Variants in NCALD observed in about 807,000 individuals in gnomAD.
NCALD encodes the protein neurocalcin-delta.
A neutral mutation model predicts 18.6 loss-of-function variants in NCALD; 10 were observed. The ratio of observed to expected loss-of-function variants is 0.54; its 90% CI spans 0.33 to 0.91. The LOEUF (loss-of-function observed/expected upper bound fraction) is 0.91. NCALD is among the 40% of genes least tolerant of loss of function. The pLI, the probability that NCALD is intolerant of heterozygous loss-of-function variation, is 0.03. For synonymous variants in NCALD, 88 were observed against 87.4 expected (o/e 1.01, Z -0.04); for missense variants, 184 against 247.6 (o/e 0.74, Z 1.72).
chr8:102,057,943 A>G (rs796553584), intron 1 of NCALD, among the ~76,000 whole-genome samples: 1 of 152,256 alleles, frequency 6.6e-6, no homozygotes, highest in East Asian at 1.9e-4. Context: ...TGTAGGTTAC[A>G]GTCAATTTAA....
At chr8:102,076,950 G>A (rs1824368173) in intron 1 of NCALD, among the ~76,000 whole-genome samples, 1 of 152,148 alleles carries the variant, frequency 6.6e-6, no homozygotes, top group Non-Finnish European at 1.5e-5. Flanking sequence ...GTGACCTGTG[G>A]CCTAGGATTG....
At chr8:101,906,678 T>G (rs1432362718) in intron 3 of NCALD, among the ~76,000 whole-genome samples, 2 of 152,228 alleles carry the variant, frequency 1.3e-5, no homozygotes, top group Non-Finnish European at 2.9e-5. Context: ...TTTCAGTTGG[T>G]ATAGTCTTTT....
chr8:101,760,515 G>C (rs939212211), intron 1 of NCALD, among the ~76,000 whole-genome samples: 8 of 152,216 alleles, frequency 5.3e-5, no homozygotes, highest in Admixed American at 3.3e-4. Flanking sequence ...GAGGTTCCCA[G>C]AGAGCGTCTG....
intron 2 of NCALD, among the ~76,000 whole-genome samples, chr8:101,924,462 C>T (rs895611771): frequency 6.6e-6 from 1 of 152,206 alleles, no homozygotes; most frequent in African/African-American, 2.4e-5. Context: ...ATTTGCAGTT[C>T]AGAATCCAAC....
Position 101,912,698 on chromosome 8 carries a change from G to A in NCALD, c.-107+3111C>T, listed in dbSNP as rs1221782506. 5.3e-5 allele frequency among the ~76,000 whole-genome samples: 8 copies of A among 152,158 alleles called. No homozygotes were observed. The South Asian group carries it at 1.2e-3, about 24-fold the overall frequency. Reference sequence around the variant, plus strand: ...ATGCCCAGCCACTTGCATCTGTTTTGTAATTCTCCTATTGTAGAGGACACA... The same window carrying A: ...ATGCCCAGCCACTTGCATCTGTTTTATAATTCTCCTATTGTAGAGGACACA... On this transcript the variant is annotated intron_variant, in intron 3 of 6. Transcript: ENST00000311028.
chr8:101,702,326 G>A (rs1480339157), intron 2 of NCALD, among the ~76,000 whole-genome samples: 1 of 151,698 alleles, frequency 6.6e-6, no homozygotes, highest in East Asian at 1.9e-4. Flanking sequence ...GGACCTCCTG[G>A]GCTCAAACCA....
At chr8:101,694,664 G>T (rs1814901007) in intron 2 of NCALD, among the ~76,000 whole-genome samples, 1 of 152,112 alleles carries the variant, frequency 6.6e-6, no homozygotes, top group Admixed American at 6.5e-5. Context: ...CCCAAGAAAT[G>T]CTCACTGAAG....
intron 1 of NCALD, among the ~76,000 whole-genome samples, chr8:102,119,826 C>T (rs1825892475): frequency 2.0e-5 from 3 of 152,192 alleles, no homozygotes; most frequent in Admixed American, 6.5e-5. Context: ...CTTATTCAGC[C>T]TGTATCCCTA....
At chr8:101,929,524 G>A (rs1185729689) in intron 2 of NCALD, among the ~76,000 whole-genome samples, 1 of 32,104 alleles carries the variant, frequency 3.1e-5, no homozygotes, top group African/African-American at 1.3e-4. Flanking sequence ...GGAGGGGGGA[G>A]GGAGGGAGGG....
chr8:101,874,446 G>A (rs1170414466), intron 4 of NCALD, among the ~76,000 whole-genome samples: 1 of 152,144 alleles, frequency 6.6e-6, no homozygotes, highest in East Asian at 1.9e-4. Context: ...GGCCAGCTGG[G>A]CTGTGATGGC....
intron 1 of NCALD, among the ~76,000 whole-genome samples, chr8:101,774,331 C>T (rs1273859017): frequency 6.6e-6 from 1 of 152,088 alleles, no homozygotes; most frequent in Non-Finnish European, 1.5e-5. Context: ...AGGCGGAGAC[C>T]TACTATGAAA....
intron 1 of NCALD, chr8:101,785,762 C>T (rs1812199949): frequency 6.6e-6 from 1 of 152,278 alleles, no homozygotes; most frequent in East Asian, 1.9e-4. Context: ...AAAGAAAATA[C>T]TCTCTAGGTC....
chr8:101,920,895 G>A, intron 2 of NCALD, among the ~76,000 whole-genome samples: 1 of 152,118 alleles, frequency 6.6e-6, no homozygotes, highest in East Asian at 1.9e-4. Context: ...TGGAAAAAAG[G>A]AACTAACTGA....
intron 1 of NCALD, among the ~76,000 whole-genome samples, chr8:102,107,516 T>G (rs1003204960): frequency 2.6e-5 from 4 of 152,090 alleles, no homozygotes; most frequent in African/African-American, 9.7e-5. Flanking sequence ...AACTAAAGTA[T>G]TCTTACAGCT....
chr8:102,009,917 C>T (rs987721520), intron 2 of NCALD, among the ~76,000 whole-genome samples: 1 of 152,252 alleles, frequency 6.6e-6, no homozygotes, highest in Non-Finnish European at 1.5e-5. Flanking sequence ...ACATGAGACA[C>T]ATTCACTTCA....
At chr8:102,120,082 G>C (rs1262705994) in intron 1 of NCALD, among the ~76,000 whole-genome samples, 10 of 152,174 alleles carry the variant, frequency 6.6e-5, no homozygotes, top group South Asian at 4.1e-4. Context: ...ATAAATTGTG[G>C]ATTTCAGATG....
intron 1 of NCALD, among the ~76,000 whole-genome samples, chr8:102,081,629 C>T (rs183221362): frequency 1.3e-5 from 2 of 150,096 alleles, no homozygotes; most frequent in East Asian, 4.0e-4. Context: ...CCGAACTCTG[C>T]AATTCTCCCA....
chr8:101,753,288 G>T (rs889133909), intron 1 of NCALD, among the ~76,000 whole-genome samples: 3 of 152,176 alleles, frequency 2.0e-5, no homozygotes, highest in African/African-American at 7.2e-5. Flanking sequence ...AGAAGAGAGA[G>T]AAGGAATCAA....
chr8:101,798,864 C>T (rs1812736800), intron 4 of NCALD, among the ~76,000 whole-genome samples: 1 of 152,094 alleles, frequency 6.6e-6, no homozygotes, highest in Non-Finnish European at 1.5e-5. Flanking sequence ...TAAATATGAC[C>T]AATGGATTTT....
Sources: gnomAD v4.1 joint callset for allele counts (sites outside exome capture counted in the v4.1 genomes callset) on GRCh38, gnomAD v4.1.1 for gene constraint, MANE v1.5 for transcripts, NCBI Gene and HGNC (gene_info 2026-07-23, HGNC 2026-07-21) for gene names.